Variants in SASH1 observed in about 807,000 individuals in gnomAD.
The protein encoded by SASH1 is SAM and SH3 domain-containing protein 1.
Under a neutral mutation model 125.2 loss-of-function variants are expected in SASH1, and 44 were observed. The observed-to-expected ratio is 0.35, with a 90% CI of 0.28 to 0.45. The LOEUF (loss-of-function observed/expected upper bound fraction) is 0.45, where lower values mean the gene tolerates loss of function less well. Ranked by LOEUF, SASH1 falls within the 20% of genes least tolerant of loss-of-function variation. The pLI, the probability that SASH1 is intolerant of heterozygous loss-of-function variation, is 1.00. For missense variants in SASH1, 1,426 were observed against 1,614.5 expected (o/e 0.88, Z 2.00); for synonymous variants, 639 against 649.1 (o/e 0.98, Z 0.24).
chr6:148,311,718 C>A (rs978641965), intron 1 of SASH1, among the ~76,000 whole-genome samples: 1 of 152,116 alleles, frequency 6.6e-6, no homozygotes, highest in African/African-American at 2.4e-5. Context: ...GTAGGAGGAT[C>A]CCCTGAACCT....
At chr6:148,462,678 T>A (rs902668758) in intron 4 of SASH1, among the ~76,000 whole-genome samples, 1 of 152,194 alleles carries the variant, frequency 6.6e-6, no homozygotes, top group South Asian at 2.1e-4. Flanking sequence ...TTCTTCTGAG[T>A]ATCATTTTAG....
intron 1 of SASH1, among the ~76,000 whole-genome samples, chr6:148,354,926 A>G (rs1167162186): frequency 6.6e-6 from 1 of 151,968 alleles, no homozygotes; most frequent in Non-Finnish European, 1.5e-5. Context: ...CCCCCATCTG[A>G]TTTTTGTATT....
At chr6:148,368,591 C>T (rs1282340562) in intron 1 of SASH1, among the ~76,000 whole-genome samples, 1 of 152,082 alleles carries the variant, frequency 6.6e-6, no homozygotes, top group Non-Finnish European at 1.5e-5. Context: ...CTTTGTTAGC[C>T]ATGTGGCAGT....
chr6:148,354,142 G>T (rs1000302658), intron 1 of SASH1, among the ~76,000 whole-genome samples: 1 of 152,168 alleles, frequency 6.6e-6, no homozygotes, highest in African/African-American at 2.4e-5. Context: ...TCCAGCCTGG[G>T]TGATGGAGCA....
Position 148,449,078 on chromosome 6 carries a change from C to CTTTTTTTTTTTTTT in SASH1, c.386+8673_386+8686dup. 8.7e-4 allele frequency among the ~76,000 whole-genome samples: 77 copies of CTTTTTTTTTTTTTT among 88,670 alleles called. 5 individuals carry two copies. The highest frequency in any genetic ancestry group is 1.6e-3 in the Admixed American group (13 of 8,276). 58.2% of individuals were successfully genotyped at this position (88,670 alleles called of 152,430 possible). Reference sequence around the variant, plus strand: ...GAGACTGGCTAATTTCATTTCATTTCTTTTTTTTTTTTTTTGGAGACAGAG... The same window carrying CTTTTTTTTTTTTTT: ...GAGACTGGCTAATTTCATTTCATTTCTTTTTTTTTTTTTTTTTTTTTTTTTTTTTGGAGACAGAG... On this transcript the variant is annotated intron_variant, in intron 4 of 19. Transcript: ENST00000367467.
intron 4 of SASH1, among the ~76,000 whole-genome samples, chr6:148,453,157 C>T (rs1475353737): frequency 6.6e-6 from 1 of 152,188 alleles, no homozygotes; most frequent in East Asian, 1.9e-4. Context: ...AGCTTGAGTC[C>T]GCACGTCTGC....
chr6:148,339,506 G>A (rs1265348229), upstream of SASH1, among the ~76,000 whole-genome samples: 1 of 151,134 alleles, frequency 6.6e-6, no homozygotes, highest in Non-Finnish European at 1.5e-5. Context: ...TTATATGTGT[G>A]TGTATATATA....
the SASH1 span, among the ~76,000 whole-genome samples, chr6:148,250,364 G>A: frequency 6.6e-6 from 1 of 151,992 alleles, no homozygotes. Flanking sequence ...TCTAATTCTG[G>A]CTAACAGAGA....
chr6:148,203,491 C>T, the SASH1 span, among the ~76,000 whole-genome samples: 10 of 152,256 alleles, frequency 6.6e-5, no homozygotes, highest in African/African-American at 2.4e-4. Flanking sequence ...CCAATAATAA[C>T]CTTGGCAGGT....
At chr6:148,485,719 G>T (rs1004047851) in intron 7 of SASH1, among the ~76,000 whole-genome samples, 1 of 152,122 alleles carries the variant, frequency 6.6e-6, no homozygotes, top group African/African-American at 2.4e-5. Flanking sequence ...AAAGAATTTC[G>T]CAGGTTGAAA....
At chr6:148,454,290 A>C (rs944951333) in intron 4 of SASH1, among the ~76,000 whole-genome samples, 1 of 152,188 alleles carries the variant, frequency 6.6e-6, no homozygotes, top group African/African-American at 2.4e-5. Flanking sequence ...CCAGAGGACC[A>C]ACAATAACAG....
At chr6:148,384,885 G>A (rs983724391) in intron 1 of SASH1, among the ~76,000 whole-genome samples, 1 of 152,092 alleles carries the variant, frequency 6.6e-6, no homozygotes, top group African/African-American at 2.4e-5. Context: ...ATATAACATA[G>A]AAATGATGAT....
rs1221507044 is a variant in SASH1, at chr6:148,552,008, G to A, written c.*3450G>A. 1 of 152,680 alleles carries A rather than the reference G, an allele frequency of 6.5e-6. No individual in the cohort carries two copies. Among genetic ancestry groups the A allele is most frequent in the East Asian group, 1.9e-4 (1 of 5,186 alleles). 9.5% of individuals were successfully genotyped at this position (152,680 alleles called of 1,614,324 possible). ...ACTTGTCTATAATTATGTCATCTAT[G>A]TACCTAGAAAAAAGTAAATAAATTT... is the stretch of plus-strand genomic sequence containing the variant. On this transcript the variant is annotated 3_prime_UTR_variant, in exon 20 of 20. Transcript: ENST00000367467.
chr6:148,357,687 T>G (rs1252617703), intron 1 of SASH1, among the ~76,000 whole-genome samples: 3 of 152,148 alleles, frequency 2.0e-5, no homozygotes, highest in Non-Finnish European at 4.4e-5. Flanking sequence ...CACCCATGAC[T>G]GTCCACTTTG....
intron 1 of SASH1, among the ~76,000 whole-genome samples, chr6:148,281,521 C>T (rs573624227): frequency 1.3e-4 from 20 of 152,250 alleles, no homozygotes; most frequent in East Asian, 5.8e-4. Context: ...GAAATGGGAC[C>T]GACTCATGAG....
At chr6:148,196,934 G>A in the SASH1 span, among the ~76,000 whole-genome samples, 2 of 152,168 alleles carry the variant, frequency 1.3e-5, no homozygotes, top group Admixed American at 1.3e-4. Flanking sequence ...GTAAATGCTG[G>A]GAGGCAGAAA....
the SASH1 span, among the ~76,000 whole-genome samples, chr6:148,265,585 A>G: frequency 6.6e-6 from 1 of 152,180 alleles, no homozygotes; most frequent in Non-Finnish European, 1.5e-5. Flanking sequence ...ACAAAAAAAT[A>G]TGCTCAGCGT....
At chr6:148,459,749 C>T (rs1777532187) in intron 4 of SASH1, among the ~76,000 whole-genome samples, 3 of 152,002 alleles carry the variant, frequency 2.0e-5, no homozygotes, top group Admixed American at 1.3e-4. Context: ...TTTTTTAGTG[C>T]TTAGCATGTG....
At chr6:148,302,680 CGG>C (rs1388432818) in intron 1 of SASH1, among the ~76,000 whole-genome samples, 1 of 12,144 alleles carries the variant, frequency 8.2e-5, no homozygotes. Flanking sequence ...CACACACACA[CGG>C]AGAAATATAT....
Sources: gnomAD v4.1 joint callset for allele counts (sites outside exome capture counted in the v4.1 genomes callset) on GRCh38, gnomAD v4.1.1 for gene constraint, MANE v1.5 for transcripts, NCBI Gene and HGNC (gene_info 2026-07-23, HGNC 2026-07-21) for gene names.